The following BCAS3 variants were observed in gnomAD, a reference collection of about 807,000 sequenced individuals.
BCAS3 encodes the protein BCAS4/BCAS3 fusion.
BCAS3 carries 53 observed loss-of-function variants against 116.1 expected under a neutral mutation model. The ratio of observed to expected loss-of-function variants is 0.46; its 90% CI spans 0.37 to 0.57. BCAS3 has a LOEUF of 0.57. Among genes scored for constraint, BCAS3 ranks in the 20% least tolerant of loss-of-function variants. BCAS3 has a pLI of 0.00. For synonymous variants in BCAS3, 391 were observed against 408.2 expected (o/e 0.96, Z 0.51); for missense variants, 917 against 1,165.4 (o/e 0.79, Z 3.10).
At chr17:61,071,937 G>T (rs1474310986) in intron 19 of BCAS3, among the ~76,000 whole-genome samples, 1 of 152,074 alleles carries the variant, frequency 6.6e-6, no homozygotes, top group East Asian at 1.9e-4. Flanking sequence ...TAATAAAAAT[G>T]TATCAAACAT....
At chr17:60,814,999 G>A (rs55787006) in intron 7 of BCAS3, among the ~76,000 whole-genome samples, 11,749 of 152,100 alleles carry the variant, frequency 0.077, 1,500 homozygotes, top group African/African-American at 0.27. Context: ...ACACATGCAC[G>A]TTTATTGCAG....
chr17:60,856,325 T>A (rs2144830977), intron 7 of BCAS3, among the ~76,000 whole-genome samples: 1 of 152,300 alleles, frequency 6.6e-6, no homozygotes, highest in South Asian at 2.1e-4. Flanking sequence ...ATTTCAGACA[T>A]ATATTATATG....
In BCAS3 at chr17:61,128,014, A is replaced by G. The variant is rs1162985745; in HGVS notation, c.2425+43450A>G. ...GTATTGCATTTGTGTGGCTTTGGGGAAGACATTCAGCAAAGAACACCACAA... is the reference window on the plus strand; with the variant it reads ...GTATTGCATTTGTGTGGCTTTGGGGGAGACATTCAGCAAAGAACACCACAA... On this transcript the variant is annotated intron_variant, in intron 22 of 23. Coordinates refer to ENST00000407086, the MANE Select transcript of BCAS3 (RefSeq NM_017679.5). The surrounding 1 kb of genome is among the most constrained non-coding windows in gnomAD (Gnocchi z 4.1). 6.6e-6 allele frequency among the ~76,000 whole-genome samples: 1 copy of G among 152,120 alleles called. No individual in the cohort carries two copies. Among genetic ancestry groups the G allele is most frequent in the Non-Finnish European group, 1.5e-5 (1 of 68,006 alleles).
chr17:61,065,211 C>T lies in BCAS3; in HGVS notation c.2030-9709C>T, dbSNP rs1600901136. Reference sequence around the variant, plus strand: ...TTTGTTGGATATTATAATTCCTCCTCTGTGAATTGCTTGTTCATTGGGAAC... The same window carrying T: ...TTTGTTGGATATTATAATTCCTCCTTTGTGAATTGCTTGTTCATTGGGAAC... On this transcript the variant is annotated intron_variant, in intron 19 of 23. Transcript: ENST00000407086. This position sits in a 1 kb window ranked among gnomAD's most constrained non-coding sequence, Gnocchi z 4.8. Among the ~76,000 whole-genome samples the T allele has an allele frequency of 6.6e-6, 1 of 152,288 alleles. No individual in the cohort carries two copies. The highest frequency in any genetic ancestry group is 6.5e-5 in the Admixed American group (1 of 15,292).
chr17:60,935,049 A>C (rs2059847414), intron 13 of BCAS3, among the ~76,000 whole-genome samples: 1 of 152,076 alleles, frequency 6.6e-6, no homozygotes, highest in Non-Finnish European at 1.5e-5. Flanking sequence ...CTGTAATCCC[A>C]GCTACTTGGG....
In BCAS3 at chr17:61,356,185, G is replaced by A. The variant is rs1484194961; in HGVS notation, c.2426-12142G>A. Among the ~76,000 whole-genome samples, 1 of 152,048 alleles carries A rather than the reference G, an allele frequency of 6.6e-6. No individual in the cohort carries two copies. The highest frequency in any genetic ancestry group is 2.4e-5 in the African/African-American group (1 of 41,390). On this transcript the variant is annotated intron_variant, in intron 22 of 23. Transcript: ENST00000407086. The surrounding 1 kb of genome is among the most constrained non-coding windows in gnomAD (Gnocchi z 5.4). ...GATTTTTGTATTTTTGTAGAGACGG[G>A]GTTTCACCGTGTTGGCCAGGCTGGT...
chr17:61,110,659 C>T lies in BCAS3; in HGVS notation c.2425+26095C>T, dbSNP rs1243274894. 9.9e-4 allele frequency among the ~76,000 whole-genome samples: 151 copies of T among 152,154 alleles called. 2 individuals are homozygous for T. Among genetic ancestry groups the T allele is most frequent in the Non-Finnish European group, 1.9e-3 (130 of 67,918 alleles). On this transcript the variant is annotated intron_variant, in intron 22 of 23. Transcript: ENST00000407086. ...ATCAAACTGCAAGGCGGCAGCGAGG[C>T]TGGGGGAGGGGCGCCCGCCATTGCC...
chr17:61,312,073 T>A lies in BCAS3; in HGVS notation c.2426-56254T>A, dbSNP rs147369015. Reference sequence around the variant, plus strand: ...TTAGAAACAAAACAGGAGGGGAGAATCGTTTGATCTCTTGCTCCTAAAATG... The same window carrying A: ...TTAGAAACAAAACAGGAGGGGAGAAACGTTTGATCTCTTGCTCCTAAAATG... On this transcript the variant is annotated intron_variant, in intron 22 of 23. Transcript: ENST00000407086. Among the ~76,000 whole-genome samples the A allele has an allele frequency of 9.0e-4, 137 of 152,170 alleles. 2 individuals are homozygous for A. The highest frequency in any genetic ancestry group is 3.0e-3 in the African/African-American group (124 of 41,530).
rs191699995 is a variant in BCAS3 at position 60,900,454 on chromosome 17, T to G, written c.739-2166T>G. 1.8e-4 allele frequency among the ~76,000 whole-genome samples: 27 copies of G among 152,264 alleles called. No individual in the cohort carries two copies. In the East Asian group the frequency reaches 5.0e-3, roughly 28 times the overall value. On this transcript the variant is annotated intron_variant, in intron 10 of 23. Coordinates refer to ENST00000407086, the MANE Select transcript of BCAS3 (RefSeq NM_017679.5). ...CCCTTGCCTTGTGTTGGGAAGCCAC[T>G]CCCAGCTCCCAGCCTATCCTAGCCA...
rs185032784 is a variant in BCAS3 at position 61,354,869 on chromosome 17, G to A, written c.2426-13458G>A. The A allele has an allele frequency of 4.6e-5, 7 of 152,352 alleles. No individual in the cohort carries two copies. The highest frequency in any genetic ancestry group is 2.1e-4 in the South Asian group (1 of 4,822). The allele number at this position is 152,352 out of a possible 1,614,324, so 9.4% of individuals were successfully genotyped here. On this transcript the variant is annotated intron_variant, in intron 22 of 23. Transcript: ENST00000407086. This position sits in a 1 kb window ranked among gnomAD's most constrained non-coding sequence, Gnocchi z 4.5. ...GCTAAAAATGGGTCAGGTATCAAAC[G>A]GGTCAACTCCAGTACCGGCAGGCAC...
intron 5 of BCAS3, among the ~76,000 whole-genome samples, chr17:60,739,605 A>C (rs149866575): frequency 0.032 from 4,803 of 152,028 alleles, 240 homozygotes; most frequent in African/African-American, 0.1. Context: ...GGGCGACAAG[A>C]GCAAAACTCT....
chr17:60,910,274 A>AT (rs1290852810), intron 11 of BCAS3, among the ~76,000 whole-genome samples: 2 of 152,120 alleles, frequency 1.3e-5, no homozygotes, highest in African/African-American at 4.8e-5. Context: ...GAGCTCTTTA[A>AT]TTTTTTTAAC....
intron 6 of BCAS3, among the ~76,000 whole-genome samples, chr17:60,747,749 C>A (rs1301448540): frequency 6.6e-6 from 1 of 152,056 alleles, no homozygotes; most frequent in African/African-American, 2.4e-5. Context: ...TCACTTTTCT[C>A]TGGGCTGTAG....
chr17:61,126,530 T>G lies in BCAS3; in HGVS notation c.2425+41966T>G, dbSNP rs1398222855. Among the ~76,000 whole-genome samples, 1 of 152,190 alleles carries G rather than the reference T, an allele frequency of 6.6e-6. No homozygotes were observed. The highest frequency in any genetic ancestry group is 1.5e-5 in the Non-Finnish European group (1 of 68,026). On this transcript the variant is annotated intron_variant, in intron 22 of 23. Transcript: ENST00000407086. The surrounding 1 kb of genome is among the most constrained non-coding windows in gnomAD (Gnocchi z 4.6). ...TAAATTGGCCCACCCAAGGATTATG[T>G]CTGTTTTATAAAGATGTGTTTATAT... is the stretch of plus-strand genomic sequence containing the variant.
intron 7 of BCAS3, among the ~76,000 whole-genome samples, chr17:60,868,183 C>G (rs548887116): frequency 2.0e-5 from 3 of 152,122 alleles, no homozygotes; most frequent in Admixed American, 2.0e-4. Flanking sequence ...TGCCACCATG[C>G]CTGCCTAATT....
chr17:61,158,072 C>T (rs1030392461), intron 22 of BCAS3, among the ~76,000 whole-genome samples: 1 of 152,068 alleles, frequency 6.6e-6, no homozygotes, highest in Non-Finnish European at 1.5e-5. Flanking sequence ...ACCTGTTAAA[C>T]CTGCCAAAAG....
chr17:61,003,477 G>A (rs1487948498), intron 15 of BCAS3, among the ~76,000 whole-genome samples: 4 of 134,620 alleles, frequency 3.0e-5, no homozygotes, highest in East Asian at 2.4e-4. Context: ...TTTTTAAATC[G>A]AGACAAGGTT....
In BCAS3 at chr17:61,097,210, G is replaced by A. The variant is rs770641001; in HGVS notation, c.2425+12646G>A. 3.3e-5 allele frequency among the ~76,000 whole-genome samples: 5 copies of A among 151,666 alleles called. No individual in the cohort carries two copies. Among genetic ancestry groups the A allele is most frequent in the South Asian group, 2.1e-4 (1 of 4,794 alleles). ...TTTTTCTTTTTTGAGACTGAGTCTC[G>A]CTCTGTCACCCAGGCTGGAGTGCAG... On this transcript the variant is annotated intron_variant, in intron 22 of 23. Transcript: ENST00000407086. The surrounding 1 kb of genome is among the most constrained non-coding windows in gnomAD (Gnocchi z 4.0).
chr17:60,918,350 A>G (rs1160157985), intron 12 of BCAS3, among the ~76,000 whole-genome samples: 1 of 152,152 alleles, frequency 6.6e-6, no homozygotes, highest in Admixed American at 6.6e-5. Context: ...GGTACATGTG[A>G]TATTTTGTTA....
Sources: allele counts gnomAD v4.1 joint callset (sites outside exome capture counted in the v4.1 genomes callset), GRCh38; gene constraint gnomAD v4.1.1; non-coding constraint Gnocchi (gnomAD v3.1); transcripts MANE v1.5; gene names NCBI Gene and HGNC (gene_info 2026-07-23, HGNC 2026-07-21).